NFASC: variants seen among roughly 807,000 people sequenced by gnomAD.
The protein encoded by NFASC is neurofascin homolog.
A neutral mutation model predicts 147.5 loss-of-function variants in NFASC; 43 were observed. The observed-to-expected ratio is 0.29, with a 90% CI of 0.23 to 0.38. NFASC has a LOEUF of 0.38. NFASC is among the 10% of genes least tolerant of loss of function. NFASC has a pLI of 1.00. For missense variants in NFASC, 1,320 were observed against 1,689.0 expected, an observed-to-expected ratio of 0.78 and a Z score of 3.83; for synonymous variants, 622 against 665.5, an observed-to-expected ratio of 0.93 and a Z score of 1.01.
intron 2 of NFASC, among the ~76,000 whole-genome samples, chr1:204,929,045 G>A (rs1035442635): frequency 3.3e-5 from 5 of 152,076 alleles, no homozygotes; most frequent in Non-Finnish European, 5.9e-5. Context: ...GATTAGTTCC[G>A]AGTGTTGAGC....
rs2096389998 is a variant in NFASC at position 205,020,081 on chromosome 1, T to G, written c.*3542T>G. ...GCCAAACCAGCACCCTCCTTTGTGC[T>G]CTGAGAGGTTGGAGACATCTGGTCC... On this transcript the variant is annotated 3_prime_UTR_variant, in exon 30 of 30. Transcript: ENST00000339876. 6.6e-6 allele frequency: 1 copy of G among 152,218 alleles called. No individual in the cohort carries two copies. The highest frequency in any genetic ancestry group is 1.5e-5 in the Non-Finnish European group (1 of 68,056). 9.4% of individuals were successfully genotyped at this position (152,218 alleles called of 1,614,324 possible). A position where few individuals can be genotyped will look rare whatever the true frequency, so the allele number is the denominator to read the frequency against.
intron 2 of NFASC, among the ~76,000 whole-genome samples, chr1:204,942,596 A>T (rs575363630): frequency 1.3e-5 from 2 of 152,348 alleles, no homozygotes; most frequent in East Asian, 3.9e-4. Flanking sequence ...ACTGCATCCC[A>T]TAAATGCGTA....
At chr1:204,962,301 C>T (rs2094716601) in intron 8 of NFASC, 9 of 690,930 alleles carry the variant, frequency 1.3e-5, no homozygotes, top group Admixed American at 2.4e-5. Context: ...AGAAGGCTGC[C>T]TGCCAGGAGG....
chr1:204,911,949 A>T (rs1389216774), intron 1 of NFASC, among the ~76,000 whole-genome samples: 2 of 152,146 alleles, frequency 1.3e-5, no homozygotes, highest in African/African-American at 4.8e-5. Flanking sequence ...TGCAGGGGCT[A>T]TTAAGTCTGC....
chr1:204,953,561 A>G (rs930110411), intron 5 of NFASC, among the ~76,000 whole-genome samples: 3 of 152,058 alleles, frequency 2.0e-5, no homozygotes, highest in Non-Finnish European at 4.4e-5. Flanking sequence ...CTCCCAAAGT[A>G]CTGGGATTAC....
intron 28 of NFASC, among the ~76,000 whole-genome samples, chr1:205,012,532 G>C (rs926281340): frequency 1.3e-5 from 2 of 152,136 alleles, no homozygotes; most frequent in Non-Finnish European, 1.5e-5. Flanking sequence ...GAGATGTGGT[G>C]GGGGGAGCTT....
intron 1 of NFASC, among the ~76,000 whole-genome samples, chr1:204,839,081 G>A (rs751464029): frequency 9.2e-5 from 14 of 152,248 alleles, no homozygotes; most frequent in East Asian, 7.7e-4. Context: ...TTCCTAAACC[G>A]GGATGCATGC....
In NFASC at chr1:204,954,448, G is replaced by A; in HGVS notation, c.412+64G>A. The stretch of plus-strand genomic sequence containing the variant: ...GGGTAAATGGAGAGTGGGGGGTGTG[G>A]AAGGCCATTCCAGAAGGGCTGCCCC... On this transcript the variant is annotated intron_variant, in intron 6 of 29. Coordinates refer to ENST00000339876, the MANE Select transcript of NFASC (RefSeq NM_001005388.3). This position sits in a 1 kb window ranked among gnomAD's most constrained non-coding sequence, Gnocchi z 5.7. 6.6e-7 allele frequency: 1 copy of A among 1,512,962 alleles called. No homozygotes were observed. The allele number at this position is 1,512,962 out of a possible 1,614,324, so 93.7% of individuals were successfully genotyped here. A position where few individuals can be genotyped will look rare whatever the true frequency, so the allele number is the denominator to read the frequency against.
intron 1 of NFASC, among the ~76,000 whole-genome samples, chr1:204,912,455 G>A (rs551750113): frequency 6.6e-6 from 1 of 151,028 alleles, no homozygotes; most frequent in African/African-American, 2.4e-5. Flanking sequence ...CAGCTACTCA[G>A]GGGGGCTGAG....
chr1:204,863,971 A>G (rs12037978), intron 1 of NFASC, among the ~76,000 whole-genome samples: 1 of 151,992 alleles, frequency 6.6e-6, no homozygotes, highest in Non-Finnish European at 1.5e-5. Flanking sequence ...AAAGAGAAAG[A>G]AAAGAAAGAA....
At chr1:204,857,528 C>T (rs2076260356) in intron 1 of NFASC, among the ~76,000 whole-genome samples, 3 of 152,202 alleles carry the variant, frequency 2.0e-5, no homozygotes, top group Admixed American at 2.0e-4. Flanking sequence ...GCCTGCCCCT[C>T]GAGTGCCCTC....
chr1:204,982,373 T>G (rs1167545443), intron 21 of NFASC, among the ~76,000 whole-genome samples: 2 of 152,222 alleles, frequency 1.3e-5, no homozygotes, highest in Non-Finnish European at 2.9e-5. Flanking sequence ...TCTGCCTTAC[T>G]GCTAAGCCAT....
intron 7 of NFASC, among the ~76,000 whole-genome samples, chr1:204,956,201 C>A (rs562350461): frequency 6.6e-6 from 1 of 152,332 alleles, no homozygotes; most frequent in East Asian, 1.9e-4. Context: ...TTATCCATAA[C>A]AGGCCTCCCT....
rs1243387012 is a variant in NFASC at position 204,997,269 on chromosome 1, C to T, written c.2882C>T (p.Pro961Leu). Residue 961 changes from proline (P) to leucine (L), a missense_variant, in exon 25 of 30, where the codon CCC becomes CTC. Coordinates refer to ENST00000339876, the MANE Select transcript of NFASC (RefSeq NM_001005388.3). Reference sequence around the variant, plus strand: ...GCCACCACCGAAGCCACAACAGTCCCCATCATCCCAACTGTCGCACCTACC... The same window carrying T: ...GCCACCACCGAAGCCACAACAGTCCTCATCATCCCAACTGTCGCACCTACC... ...IAATTEATTVPIIPTVAPTTI... is the reference protein window; with the variant it reads ...IAATTEATTVLIIPTVAPTTI... 1.2e-5 allele frequency: 19 copies of T among 1,612,864 alleles called. No individual in the cohort carries two copies. Among genetic ancestry groups the T allele is most frequent in the South Asian group, 2.2e-5 (2 of 90,984 alleles).
chr1:204,830,653 T>C (rs950630812), intron 1 of NFASC, among the ~76,000 whole-genome samples: 16 of 139,714 alleles, frequency 1.1e-4, no homozygotes, highest in Admixed American at 3.8e-4. Flanking sequence ...GTGTGATGTG[T>C]GTATAGAGAG....
chr1:204,997,537 T>C, intron 25 of NFASC, 131 bp downstream of exon 25: 1 of 1,059,918 alleles, frequency 9.4e-7, no homozygotes, highest in Non-Finnish European at 1.4e-6. Flanking sequence ...CCCTTTGTGT[T>C]TCCTTTGGAA....
At chr1:204,984,242 G>A (rs561648059) in intron 21 of NFASC, 67 of 756,496 alleles carry the variant, frequency 8.9e-5, no homozygotes, top group Middle Eastern at 2.4e-4. Flanking sequence ...AAACCCTAGC[G>A]TTGTTTATTG....
intron 3 of NFASC, chr1:204,946,514 G>C (rs1471850994): frequency 9.7e-6 from 4 of 412,018 alleles, no homozygotes; most frequent in South Asian, 6.9e-5. Flanking sequence ...GGTTGCTGCA[G>C]GTCCAGTGGC....
chr1:204,905,780 G>C (rs1423998394), intron 1 of NFASC, among the ~76,000 whole-genome samples: 1 of 152,086 alleles, frequency 6.6e-6, no homozygotes, highest in Non-Finnish European at 1.5e-5. Flanking sequence ...TGTCTCATGG[G>C]TATATATCTA....
Sources: allele counts gnomAD v4.1 joint callset (sites outside exome capture counted in the v4.1 genomes callset), GRCh38; gene constraint gnomAD v4.1.1; non-coding constraint Gnocchi (gnomAD v3.1); transcripts MANE v1.5; gene names NCBI Gene and HGNC (gene_info 2026-07-23, HGNC 2026-07-21).